The following RGS7 variants were observed in gnomAD, a reference collection of about 807,000 sequenced individuals.
RGS7 encodes the protein regulator of G protein signaling 7, also known as regulator of G-protein signaling 7.
In RGS7, 27 loss-of-function variants were observed where a neutral mutation model predicts 81.1. The ratio of observed to expected loss-of-function variants is 0.33; its 90% CI spans 0.25 to 0.46. The LOEUF (loss-of-function observed/expected upper bound fraction) is 0.46. Ranked by LOEUF, RGS7 falls within the 20% of genes least tolerant of loss-of-function variation. The probability of loss-of-function intolerance (pLI) is 1.00; values close to 1 mark genes in which losing one functional copy is unlikely to be tolerated. For missense variants in RGS7, 396 were observed against 607.4 expected, an observed-to-expected ratio of 0.65 and a Z score of 3.66; for synonymous variants, 208 against 207.7, an observed-to-expected ratio of 1.00 and a Z score of -0.01.
At chr1:241,327,117 A>AGAAAGAAAGAAAGAAG (rs2081613743) in intron 2 of RGS7, among the ~76,000 whole-genome samples, 1 of 111,146 alleles carries the variant, frequency 9.0e-6, no homozygotes, top group African/African-American at 3.4e-5. Flanking sequence ...AAAGAAAGAA[A>AGAAAGAAAGAAAGAAG]GAAAGAAAGA....
intron 3 of RGS7, among the ~76,000 whole-genome samples, chr1:241,074,588 C>T (rs941552008): frequency 1.3e-5 from 2 of 152,228 alleles, no homozygotes; most frequent in African/African-American, 2.4e-5. Context: ...CGTGTTTACA[C>T]CTAACAGCTT....
At chr1:240,851,416 C>A (rs1346121289) in intron 9 of RGS7, among the ~76,000 whole-genome samples, 1 of 152,200 alleles carries the variant, frequency 6.6e-6, no homozygotes, top group Non-Finnish European at 1.5e-5. Flanking sequence ...AATATACCCA[C>A]TCACTGACAA....
At position 240,800,672 on chromosome 1, in the gene RGS7, A is replaced by G; in HGVS notation, c.1463T>C (p.Leu488Pro). The change falls in exon 18 of 19, where the codon CTG (leucine) becomes CCG (proline). Residue 488 changes from leucine to proline, a missense_variant. Transcript: ENST00000440928. ...FPCHKNCTPT[L>P]RASTNLL ...TCATAACAGGTTAGTGCTGGCCCTC[A>G]GTGTTGGTGTACAGTTTTTATGGCA... 1.3e-6 allele frequency: 2 copies of G among 1,547,902 alleles called. No individual in the cohort carries two copies. Among genetic ancestry groups the G allele is most frequent in the Middle Eastern group, 1.7e-4 (1 of 5,982 alleles).
intron 2 of RGS7, among the ~76,000 whole-genome samples, chr1:241,265,041 G>A (rs774167948): frequency 6.6e-6 from 1 of 152,146 alleles, no homozygotes; most frequent in Non-Finnish European, 1.5e-5. Flanking sequence ...TTCCCTTCCA[G>A]CCCATGGAGT....
intron 18 of RGS7, among the ~76,000 whole-genome samples, chr1:240,792,458 A>G (rs1331618169): frequency 1.3e-5 from 2 of 151,734 alleles, no homozygotes; most frequent in Non-Finnish European, 2.9e-5. Context: ...GTTCTTGATT[A>G]CCTTCTTCTG....
intron 9 of RGS7, among the ~76,000 whole-genome samples, chr1:240,862,891 CTT>C (rs977989862): frequency 1.3e-5 from 2 of 150,136 alleles, no homozygotes; most frequent in African/African-American, 4.9e-5. Flanking sequence ...TTTCTTATCT[CTT>C]TTTTTTTACG....
intron 18 of RGS7, among the ~76,000 whole-genome samples, chr1:240,783,917 T>C (rs12090026): frequency 0.03 from 4,483 of 151,270 alleles, 208 homozygotes; most frequent in African/African-American, 0.1. Flanking sequence ...GATTCATGCC[T>C]GTAATCTCAG....
intron 2 of RGS7, among the ~76,000 whole-genome samples, chr1:241,151,314 G>T (rs1308608743): frequency 6.6e-6 from 1 of 152,172 alleles, no homozygotes; most frequent in Non-Finnish European, 1.5e-5. Context: ...GGCCTGAAGA[G>T]AGGGCAACAA....
chr1:241,347,685 C>T (rs1457049759), intron 2 of RGS7, among the ~76,000 whole-genome samples: 1 of 152,100 alleles, frequency 6.6e-6, no homozygotes, highest in East Asian at 1.9e-4. Context: ...CTGCACAGTA[C>T]ATTCATGGTA....
chr1:240,863,244 C>T lies in RGS7; in HGVS notation c.609+5343G>A, dbSNP rs368478229. 2.5e-3 allele frequency among the ~76,000 whole-genome samples: 374 copies of T among 152,134 alleles called. 3 individuals carry two copies. Among genetic ancestry groups the T allele is most frequent in the African/African-American group, 7.6e-3 (315 of 41,496 alleles). On this transcript the variant is annotated intron_variant, in intron 9 of 18. Transcript: ENST00000440928. ...ATCCCAGCACTTTGGGAGGCTGAGGCGGGAGGATCACTTGAGGCCTGGAGT... is the reference window on the plus strand; with the variant it reads ...ATCCCAGCACTTTGGGAGGCTGAGGTGGGAGGATCACTTGAGGCCTGGAGT...
At chr1:241,308,404 A>G (rs2080301313) in intron 2 of RGS7, among the ~76,000 whole-genome samples, 1 of 152,184 alleles carries the variant, frequency 6.6e-6, no homozygotes, top group South Asian at 2.1e-4. Flanking sequence ...GCATGGGGGC[A>G]ATTTTGTGTT....
chr1:241,059,187 C>T (rs1572489325), intron 3 of RGS7, among the ~76,000 whole-genome samples: 1 of 152,262 alleles, frequency 6.6e-6, no homozygotes, highest in African/African-American at 2.4e-5. Context: ...CCTAGATCTA[C>T]AATGTTGGGA....
At chr1:241,025,176 G>A (rs534801384) in intron 3 of RGS7, among the ~76,000 whole-genome samples, 6 of 152,198 alleles carry the variant, frequency 3.9e-5, no homozygotes, top group Non-Finnish European at 8.8e-5. Flanking sequence ...ACAAGGAGTT[G>A]AGGATACTAG....
chr1:241,229,233 A>T (rs1198033708), intron 2 of RGS7, among the ~76,000 whole-genome samples: 1 of 152,190 alleles, frequency 6.6e-6, no homozygotes, highest in Non-Finnish European at 1.5e-5. Context: ...CTTCTGGTTC[A>T]GACCTTGCTC....
intron 4 of RGS7, among the ~76,000 whole-genome samples, chr1:240,955,200 C>A (rs1460458238): frequency 2.0e-5 from 3 of 152,024 alleles, no homozygotes; most frequent in African/African-American, 7.3e-5. Context: ...CAGTCAAAAT[C>A]ACAGAAAGCT....
At chr1:241,229,643 G>A (rs1049567671) in intron 2 of RGS7, among the ~76,000 whole-genome samples, 2 of 152,096 alleles carry the variant, frequency 1.3e-5, no homozygotes, top group Non-Finnish European at 2.9e-5. Flanking sequence ...TTTTTCTAAC[G>A]GTGTAGTAGT....
At chr1:241,124,742 C>T (rs1003693966) in intron 2 of RGS7, among the ~76,000 whole-genome samples, 2 of 152,126 alleles carry the variant, frequency 1.3e-5, no homozygotes, top group Non-Finnish European at 2.9e-5. Flanking sequence ...ACAGGAAGGG[C>T]CCCCTGGGAG....
intron 3 of RGS7, among the ~76,000 whole-genome samples, chr1:241,014,797 G>A (rs1247091790): frequency 6.6e-6 from 1 of 152,174 alleles, no homozygotes; most frequent in African/African-American, 2.4e-5. Flanking sequence ...TCTTGAGGAC[G>A]AATACATCAT....
intron 2 of RGS7, among the ~76,000 whole-genome samples, chr1:241,291,299 GT>G (rs932232565): frequency 1.3e-5 from 2 of 151,104 alleles, no homozygotes; most frequent in African/African-American, 4.8e-5. Flanking sequence ...TCAATGTGTG[GT>G]TTTTATTTCC....
Sources: allele counts gnomAD v4.1 joint callset (sites outside exome capture counted in the v4.1 genomes callset), GRCh38; gene constraint gnomAD v4.1.1; transcripts MANE v1.5; gene names NCBI Gene and HGNC (gene_info 2026-07-23, HGNC 2026-07-21).